EIF4G3: variants seen among roughly 807,000 people sequenced by gnomAD.
EIF4G3 encodes eukaryotic translation initiation factor 4 gamma 3.
Under a neutral mutation model 186.4 loss-of-function variants are expected in EIF4G3, and 34 were observed. The ratio of observed to expected loss-of-function variants is 0.18; its 90% CI spans 0.14 to 0.24. The LOEUF is 0.24. Ranked by LOEUF, EIF4G3 falls within the 10% of genes least tolerant of loss-of-function variation. The probability of loss-of-function intolerance (pLI) is 1.00; values close to 1 mark genes in which losing one functional copy is unlikely to be tolerated. For synonymous variants in EIF4G3, 673 were observed against 679.5 expected (o/e 0.99, Z 0.15); for missense variants, 1,536 against 1,948.5 (o/e 0.79, Z 3.99).
chr1:20,965,741 C>T (rs576443203), intron 12 of EIF4G3, among the ~76,000 whole-genome samples: 1 of 152,236 alleles, frequency 6.6e-6, no homozygotes, highest in Non-Finnish European at 1.5e-5. Context: ...ATTCTCTGTG[C>T]CTCCTGAAAT....
At chr1:21,017,479 T>C (rs2154570491) in intron 4 of EIF4G3, among the ~76,000 whole-genome samples, 1 of 151,708 alleles carries the variant, frequency 6.6e-6, no homozygotes, top group African/African-American at 2.4e-5. Context: ...ATGCAAAAAA[T>C]TAGCTGGGCG....
At chr1:20,969,337 A>T in intron 12 of EIF4G3, 137 bp downstream of exon 12, 1 of 982,390 alleles carries the variant, frequency 1.0e-6, no homozygotes, top group Non-Finnish European at 1.5e-6. Flanking sequence ...ATGTCTGTTT[A>T]AATACCATTT....
intron 6 of EIF4G3, chr1:20,998,703 TTAAC>T (rs2082833622): frequency 4.9e-6 from 1 of 203,960 alleles, no homozygotes; most frequent in African/African-American, 2.3e-5. Context: ...TACTAATACA[TTAAC>T]TATTGTAATA....
intron 10 of EIF4G3, among the ~76,000 whole-genome samples, chr1:20,976,333 C>G (rs1032361085): frequency 6.6e-6 from 1 of 150,846 alleles, no homozygotes; most frequent in East Asian, 2.0e-4. Flanking sequence ...CCCTTCCCCC[C>G]ACCCCACAAC....
chr1:21,085,486 G>A (rs377014162), intron 3 of EIF4G3, among the ~76,000 whole-genome samples: 4 of 152,052 alleles, frequency 2.6e-5, no homozygotes, highest in East Asian at 3.9e-4. Flanking sequence ...CTGCAGCCTC[G>A]ACCTCCTGGG....
chr1:20,942,403 T>C, intron 13 of EIF4G3, 73 bp from the exon 14 acceptor site: 3 of 1,428,692 alleles, frequency 2.1e-6, no homozygotes, highest in African/African-American at 1.4e-5. Flanking sequence ...GCCAATTCTT[T>C]CAATGTCTTA....
chr1:20,847,676 T>C (rs1372979383), intron 29 of EIF4G3: 1 of 396,442 alleles, frequency 2.5e-6, no homozygotes, highest in Non-Finnish European at 5.1e-6. Context: ...GCTGCCAATT[T>C]ATAAGAATAC....
At chr1:20,970,463 A>C (rs1280769410) in intron 11 of EIF4G3, among the ~76,000 whole-genome samples, 1 of 151,790 alleles carries the variant, frequency 6.6e-6, no homozygotes, top group Non-Finnish European at 1.5e-5. Context: ...AATACAAAAA[A>C]TTAGCTGGGC....
chr1:20,979,424 G>C (rs1189721550), intron 10 of EIF4G3, among the ~76,000 whole-genome samples: 1 of 152,170 alleles, frequency 6.6e-6, no homozygotes, highest in African/African-American at 2.4e-5. Flanking sequence ...CACTGTTCTA[G>C]GGGCTGGGGA....
intron 12 of EIF4G3, among the ~76,000 whole-genome samples, chr1:20,957,255 C>A (rs1355295371): frequency 1.3e-5 from 2 of 152,008 alleles, no homozygotes; most frequent in Non-Finnish European, 2.9e-5. Context: ...CAAAACTACA[C>A]AGATACATGG....
chr1:20,992,920 T>A (rs1355254391), intron 7 of EIF4G3, among the ~76,000 whole-genome samples: 1 of 152,182 alleles, frequency 6.6e-6, no homozygotes, highest in Non-Finnish European at 1.5e-5. Context: ...TTGCTATAAT[T>A]CTGAGTGTAC....
At chr1:21,164,563 C>T (rs1362054236) in intron 2 of EIF4G3, among the ~76,000 whole-genome samples, 1 of 151,896 alleles carries the variant, frequency 6.6e-6, no homozygotes, top group East Asian at 1.9e-4. Context: ...TCTGTCTCTA[C>T]CGAAAATAAA....
At chr1:21,020,704 C>T (rs2090476682) in intron 4 of EIF4G3, among the ~76,000 whole-genome samples, 2 of 152,056 alleles carry the variant, frequency 1.3e-5, no homozygotes, top group South Asian at 2.1e-4. Context: ...ACTATACCAA[C>T]TAAAACATTT....
chr1:20,902,119 A>G (rs1423652398), intron 15 of EIF4G3, among the ~76,000 whole-genome samples: 4 of 149,690 alleles, frequency 2.7e-5, no homozygotes, highest in East Asian at 2.0e-4. Context: ...GGCTGGAGTC[A>G]GTGGCGCGAT....
intron 22 of EIF4G3, among the ~76,000 whole-genome samples, chr1:20,863,378 T>TAAAAAAAAAAAAAAAAAAAAAAAAAAA (rs3051243): frequency 4.9e-5 from 5 of 102,490 alleles, no homozygotes; most frequent in African/African-American, 2.1e-4. Context: ...CTACAAAAAG[T>TAAAAAAAAAAAAAAAAAAAAAAAAAAA]AAAAAAAAAA....
chr1:21,011,209 T>TA (rs970430807), intron 4 of EIF4G3, among the ~76,000 whole-genome samples: 44 of 145,418 alleles, frequency 3.0e-4, no homozygotes, highest in Admixed American at 1.2e-3. Context: ...AACTTTTTTT[T>TA]AAAAAAAAAA....
chr1:20,815,826 G>A (rs1404316722), intron 34 of EIF4G3, among the ~76,000 whole-genome samples: 3 of 131,910 alleles, frequency 2.3e-5, no homozygotes, highest in Admixed American at 1.4e-4. Context: ...CGGGAGGGAG[G>A]TGGGGGGTCA....
chr1:21,023,230 C>T (rs2091183211), intron 4 of EIF4G3, among the ~76,000 whole-genome samples: 1 of 36,224 alleles, frequency 2.8e-5, no homozygotes, highest in Admixed American at 3.7e-4. Flanking sequence ...TCTCCCTCTC[C>T]CTCCCCCTCC....
intron 2 of EIF4G3, among the ~76,000 whole-genome samples, chr1:21,130,773 G>A (rs1427178673): frequency 2.0e-5 from 3 of 152,012 alleles, no homozygotes; most frequent in African/African-American, 4.8e-5. Context: ...CTGTAATAAT[G>A]ATTAGTATGT....
Sources: allele counts gnomAD v4.1 joint callset (sites outside exome capture counted in the v4.1 genomes callset), GRCh38; gene constraint gnomAD v4.1.1; transcripts MANE v1.5; gene names NCBI Gene and HGNC (gene_info 2026-07-23, HGNC 2026-07-21).